Variants in PTK2 observed in about 807,000 individuals in gnomAD.
The protein encoded by PTK2 is focal adhesion kinase 1.
PTK2 carries 45 observed loss-of-function variants against 150.1 expected under a neutral mutation model. The observed-to-expected ratio is 0.30, with a 90% CI of 0.24 to 0.38. PTK2 has a LOEUF of 0.38. Ranked by LOEUF, PTK2 falls within the 10% of genes least tolerant of loss-of-function variation. The pLI, the probability that PTK2 is intolerant of heterozygous loss-of-function variation, is 1.00. For missense variants in PTK2, 919 were observed against 1,307.3 expected, an observed-to-expected ratio of 0.70 and a Z score of 4.58; for synonymous variants, 432 against 449.2, an observed-to-expected ratio of 0.96 and a Z score of 0.48.
chr8:140,794,479 A>G (rs568790337), intron 12 of PTK2, among the ~76,000 whole-genome samples: 7 of 152,092 alleles, frequency 4.6e-5, no homozygotes, highest in Non-Finnish European at 8.8e-5. Flanking sequence ...CCTTGAATTC[A>G]TTCTAATCAG....
chr8:140,971,093 A>C (rs1009145857), intron 1 of PTK2, among the ~76,000 whole-genome samples: 1 of 152,214 alleles, frequency 6.6e-6, no homozygotes, highest in Non-Finnish European at 1.5e-5. Context: ...TAACTAAAAA[A>C]TTAGTCTCTA....
chr8:140,862,384 A>G (rs184500649), intron 5 of PTK2, among the ~76,000 whole-genome samples: 2 of 152,366 alleles, frequency 1.3e-5, no homozygotes, highest in East Asian at 3.9e-4. Flanking sequence ...ATGAGATGTA[A>G]TAATACATGA....
intron 2 of PTK2, among the ~76,000 whole-genome samples, chr8:140,915,535 C>T (rs980355801): frequency 5.3e-5 from 8 of 152,102 alleles, no homozygotes; most frequent in Non-Finnish European, 1.2e-4. Context: ...ATGGAAGACC[C>T]AGTCAATAAG....
chr8:140,818,155 T>C (rs1161565117), intron 10 of PTK2, 122 bp downstream of exon 10: 5 of 863,146 alleles, frequency 5.8e-6, no homozygotes, highest in Non-Finnish European at 7.5e-6. Context: ...CACTGAACAA[T>C]AAATGCAGTG....
rs67306225 is a variant in PTK2 at position 140,715,155 on chromosome 8, GT to G, written c.2142+2442del. On this transcript the variant is annotated intron_variant, in intron 23 of 31. Coordinates refer to ENST00000522684, the Ensembl canonical transcript of PTK2. The stretch of plus-strand genomic sequence containing the variant: ...AGATGATTTTCTAGCCATTAAAACC[GT>G]TTTTTTTTTTTTTTTTTTTTTTTTT... Among the ~76,000 whole-genome samples, 59 of 56,004 alleles carry G rather than the reference GT, an allele frequency of 1.1e-3. 10 individuals carry two copies. The highest frequency in any genetic ancestry group is 5.9e-3 in the East Asian group (9 of 1,514). The allele number at this position is 56,004 out of a possible 152,430, so 36.7% of individuals were successfully genotyped here.
At chr8:140,700,797 C>T (rs754584937) in intron 26 of PTK2, 94 bp downstream of exon 29, 104 of 1,479,994 alleles carry the variant, frequency 7.0e-5, no homozygotes, top group Admixed American at 5.9e-5. Flanking sequence ...ACTAACTCTC[C>T]TGCTTTGAAA....
chr8:140,938,242 T>G (rs1032429891), intron 1 of PTK2, among the ~76,000 whole-genome samples: 18 of 152,238 alleles, frequency 1.2e-4, no homozygotes, highest in Non-Finnish European at 8.8e-5. Context: ...TTGACCGCTC[T>G]GTGACCCAGC....
chr8:140,733,167 T>C (rs1416304083), intron 22 of PTK2, among the ~76,000 whole-genome samples: 1 of 151,046 alleles, frequency 6.6e-6, no homozygotes, highest in Non-Finnish European at 1.5e-5. Flanking sequence ...GCACAAGGAG[T>C]GAAGCATGAC....
chr8:140,735,133 G>A (rs532333641), intron 22 of PTK2, 118 bp downstream of exon 25: 14 of 949,654 alleles, frequency 1.5e-5, no homozygotes, highest in Middle Eastern at 6.6e-4. Context: ...GCATTTGAAC[G>A]AAAAATAGTT....
chr8:140,758,007 G>A (rs2100066879), intron 16 of PTK2, among the ~76,000 whole-genome samples: 1 of 152,068 alleles, frequency 6.6e-6, no homozygotes, highest in South Asian at 2.1e-4. Flanking sequence ...AAACGACTAT[G>A]TTACAGGTTT....
Position 140,697,847 on chromosome 8 carries a change from TTAC to T in PTK2, c.2499+3041_2499+3043del, listed in dbSNP as rs2100027682. Among the ~76,000 whole-genome samples, 6 of 140,938 alleles carry T rather than the reference TTAC, an allele frequency of 4.3e-5. No individual in the cohort carries two copies. In the South Asian group the frequency reaches 1.3e-3, roughly 31 times the overall value. 92.5% of individuals were successfully genotyped at this position (140,938 alleles called of 152,430 possible). ...TACTTGATCCTCCTCCCTTTAGGGT[TTAC>T]TGTTTTTTTTTTTTTTTTTTTTTTT... On this transcript the variant is annotated intron_variant, in intron 26 of 31. Coordinates refer to ENST00000522684, the Ensembl canonical transcript of PTK2.
chr8:140,940,970 C>CA (rs2100175541), intron 1 of PTK2, among the ~76,000 whole-genome samples: 1 of 151,428 alleles, frequency 6.6e-6, no homozygotes, highest in Non-Finnish European at 1.5e-5. Flanking sequence ...AACTCCATCT[C>CA]AAAAAAAATT....
chr8:140,766,425 G>A (rs1256547413), intron 14 of PTK2, among the ~76,000 whole-genome samples: 1 of 152,180 alleles, frequency 6.6e-6, no homozygotes, highest in Non-Finnish European at 1.5e-5. Flanking sequence ...CCTCTCCTCA[G>A]ACTAATTTGC....
intron 1 of PTK2, among the ~76,000 whole-genome samples, chr8:140,987,868 C>A (rs1224854576): frequency 6.6e-6 from 1 of 152,030 alleles, no homozygotes; most frequent in Non-Finnish European, 1.5e-5. Context: ...CATGACTAGA[C>A]CTCGTCTCTA....
rs60000363 is a variant in PTK2, at chr8:140,877,025, C to CTT, written c.362+2444_362+2445dup. 8.6e-3 allele frequency among the ~76,000 whole-genome samples: 621 copies of CTT among 71,900 alleles called. 6 individuals carry two copies. Among genetic ancestry groups the CTT allele is most frequent in the East Asian group, 0.022 (59 of 2,694 alleles). 47.2% of individuals were successfully genotyped at this position (71,900 alleles called of 152,430 possible). ...ACTATGCATGTAACTTTCACTAATCCTTTTTTTTTTTTTTTTTTTTTTTTT... is the reference window on the plus strand; with the variant it reads ...ACTATGCATGTAACTTTCACTAATCCTTTTTTTTTTTTTTTTTTTTTTTTTTT... On this transcript the variant is annotated intron_variant, in intron 4 of 31. Transcript: ENST00000522684.
chr8:140,982,002 A>C (rs977894449), intron 1 of PTK2, among the ~76,000 whole-genome samples: 8 of 152,014 alleles, frequency 5.3e-5, no homozygotes, highest in African/African-American at 1.9e-4. Context: ...TTTTTTGAAA[A>C]AGATTAGCAT....
chr8:140,868,872 C>T (rs1350678104), intron 4 of PTK2, among the ~76,000 whole-genome samples: 2 of 151,936 alleles, frequency 1.3e-5, no homozygotes, highest in South Asian at 4.1e-4. Flanking sequence ...AGAAAAGGAA[C>T]GGTAAGTGGA....
At chr8:140,729,814 T>G (rs894604431) in intron 22 of PTK2, among the ~76,000 whole-genome samples, 21 of 152,214 alleles carry the variant, frequency 1.4e-4, no homozygotes, top group African/African-American at 4.3e-4. Context: ...AGCTCTGGAC[T>G]CAGGTGGACC....
intron 1 of PTK2, among the ~76,000 whole-genome samples, chr8:140,988,660 C>T (rs1174382483): frequency 1.5e-5 from 2 of 137,222 alleles, no homozygotes; most frequent in Non-Finnish European, 3.1e-5. Flanking sequence ...ACCCGGGAGG[C>T]GGAGCCTGCA....
Sources: gnomAD v4.1 joint callset for allele counts (sites outside exome capture counted in the v4.1 genomes callset) on GRCh38, gnomAD v4.1.1 for gene constraint, MANE v1.5 for transcripts, NCBI Gene and HGNC (gene_info 2026-07-23, HGNC 2026-07-21) for gene names.